ERLEC1: variants seen among roughly 807,000 people sequenced by gnomAD.
The protein encoded by ERLEC1 is endoplasmic reticulum lectin 1, also known as ER lectin.
In ERLEC1, 47 loss-of-function variants were observed where a neutral mutation model predicts 68.0. The ratio of observed to expected loss-of-function variants is 0.69; its 90% CI spans 0.55 to 0.88. ERLEC1 has a LOEUF of 0.88. ERLEC1 is among the 40% of genes least tolerant of loss of function. The pLI is 0.00. For missense variants in ERLEC1, 567 were observed against 583.8 expected (o/e 0.97, Z 0.30); for synonymous variants, 225 against 203.2 (o/e 1.11, Z -0.91).
chr2:53,792,719 T>C (rs1256283526), intron 1 of ERLEC1, among the ~76,000 whole-genome samples: 1 of 152,180 alleles, frequency 6.6e-6, no homozygotes, highest in East Asian at 1.9e-4. Context: ...GGTTTTATTA[T>C]AGTTAAACAG....
intron 3 of ERLEC1, among the ~76,000 whole-genome samples, chr2:53,796,563 T>C (rs1675715268): frequency 6.6e-6 from 1 of 152,104 alleles, no homozygotes; most frequent in Middle Eastern, 3.4e-3. Flanking sequence ...ATGCTCAAGC[T>C]GTTCTCCCAC....
chr2:53,818,540 A>G lies in ERLEC1; in HGVS notation c.*571A>G, dbSNP rs2104351086. 2 of 152,130 alleles carry G rather than the reference A, an allele frequency of 1.3e-5. No individual in the cohort carries two copies. The highest frequency in any genetic ancestry group is 6.8e-3 in the Middle Eastern group (2 of 294). 9.4% of individuals were successfully genotyped at this position (152,130 alleles called of 1,614,324 possible). A position where few individuals can be genotyped will look rare whatever the true frequency, so the allele number is the denominator to read the frequency against. On this transcript the variant is annotated 3_prime_UTR_variant, in exon 14 of 14. Coordinates refer to ENST00000185150, the MANE Select transcript of ERLEC1 (RefSeq NM_015701.5). The stretch of plus-strand genomic sequence containing the variant: ...AGTTGTCCTCACCCTTGTTAATCTC[A>G]AGAAACTCTTATTTATAATAGGTTG...
intron 10 of ERLEC1, among the ~76,000 whole-genome samples, chr2:53,810,585 A>G (rs1304300983): frequency 6.6e-6 from 1 of 152,190 alleles, no homozygotes; most frequent in Non-Finnish European, 1.5e-5. Context: ...TTCGTTATCT[A>G]AAAAAGAAAA....
chr2:53,814,515 A>G, intron 11 of ERLEC1, 28 bp from the exon 12 acceptor site: 1 of 1,562,166 alleles, frequency 6.4e-7, no homozygotes. Context: ...TTTTAGTTTA[A>G]TAAAACTTGT....
In ERLEC1 at chr2:53,807,874, A is replaced by AACAAC. The variant is rs1558602939; in HGVS notation, c.880-424_880-423insCAACA. Among the ~76,000 whole-genome samples, 251 of 149,178 alleles carry AACAAC rather than the reference A, an allele frequency of 1.7e-3. 1 individual carries two copies. The highest frequency in any genetic ancestry group is 6.1e-3 in the African/African-American group (242 of 39,448). ...ACAACAACAACAACAACAACAACAA[A>AACAAC]AAATGCCAGGCGTGGTGGCAGGCTC... On this transcript the variant is annotated intron_variant, in intron 8 of 13. Transcript: ENST00000185150.
chr2:53,789,338 G>A (rs972917724), intron 1 of ERLEC1, among the ~76,000 whole-genome samples: 1 of 145,042 alleles, frequency 6.9e-6, no homozygotes, highest in East Asian at 2.0e-4. Flanking sequence ...AGGTTGCACT[G>A]AGCCAAGATT....
At position 53,808,399 on chromosome 2, in the gene ERLEC1, C is replaced by G; in HGVS notation, c.980C>G (p.Ser327Cys). The G allele has an allele frequency of 1.2e-6, 2 of 1,614,180 alleles. No individual in the cohort carries two copies. The highest frequency in any genetic ancestry group is 1.7e-6 in the Non-Finnish European group (2 of 1,180,034). Residue 327 changes from serine (S) to cysteine (C), a missense_variant, in exon 9 of 14, where the codon TCC (serine) becomes TGC (cysteine). Coordinates refer to ENST00000185150, the MANE Select transcript of ERLEC1 (RefSeq NM_015701.5). ...PVLTVGTTHISKLTDDQLIKE... is the reference protein window; with the variant it reads ...PVLTVGTTHICKLTDDQLIKE... ...CTCACTGTTGGGACAACCCACATAT[C>G]CAAATTGACAGATGACCAACTCATA...
intron 11 of ERLEC1, among the ~76,000 whole-genome samples, chr2:53,813,866 G>A (rs1676722149): frequency 6.6e-6 from 1 of 151,770 alleles, no homozygotes; most frequent in Non-Finnish European, 1.5e-5. Flanking sequence ...GTATACATGT[G>A]CCATGCTGGT....
At chr2:53,807,415 T>C (rs1676351468) in intron 8 of ERLEC1, among the ~76,000 whole-genome samples, 1 of 148,370 alleles carries the variant, frequency 6.7e-6, no homozygotes, top group Admixed American at 6.6e-5. Flanking sequence ...TACTGCCTTT[T>C]TTTTCTTTGA....
chr2:53,813,121 A>G (rs1312226077), intron 11 of ERLEC1, 48 bp downstream of exon 11: 2 of 1,577,088 alleles, frequency 1.3e-6, no homozygotes, highest in South Asian at 1.2e-5. Flanking sequence ...TACAATTTCT[A>G]AAACTCAAAA....
intron 10 of ERLEC1, among the ~76,000 whole-genome samples, chr2:53,811,884 C>T (rs1386308521): frequency 6.6e-6 from 1 of 152,004 alleles, no homozygotes. Context: ...GGGCATTGGC[C>T]CTGCTTGTTT....
At chr2:53,793,350 C>G (rs1039752044) in intron 1 of ERLEC1, among the ~76,000 whole-genome samples, 1 of 152,146 alleles carries the variant, frequency 6.6e-6, no homozygotes, top group Non-Finnish European at 1.5e-5. Flanking sequence ...ATAATTTTGT[C>G]AATATATGCC....
rs746427035 is a variant in ERLEC1, at chr2:53,801,564, T to G, written c.693T>G (p.Thr231=). The part of the protein sequence containing the change: ...HEILSVAEVT[T]CEYEVVILTP... ...TTCTTTCAGTAGCTGAAGTTACAAC[T>G]TGTGAATATGAAGTTGTCATTTTGA... Residue 231 remains threonine (T), a synonymous_variant, in exon 7 of 14, where the codon ACT becomes ACG. Transcript: ENST00000185150. 3 of 1,614,132 alleles carry G rather than the reference T, an allele frequency of 1.9e-6. No homozygotes were observed. The highest frequency in any genetic ancestry group is 4.5e-5 in the East Asian group (2 of 44,874).
intron 5 of ERLEC1, 34 bp from the exon 6 acceptor site, chr2:53,799,013 G>C (rs761609369): frequency 1.9e-6 from 3 of 1,604,464 alleles, no homozygotes; most frequent in African/African-American, 2.7e-5. Context: ...ATATGTCACT[G>C]CTCATTCTTT....
chr2:53,800,186 G>T (rs1319203982), intron 6 of ERLEC1, among the ~76,000 whole-genome samples: 1 of 152,086 alleles, frequency 6.6e-6, no homozygotes, highest in Non-Finnish European at 1.5e-5. Context: ...CGTGGTATGT[G>T]TATTTTTATT....
At chr2:53,798,332 G>A (rs1388429193) in intron 5 of ERLEC1, among the ~76,000 whole-genome samples, 2 of 151,738 alleles carry the variant, frequency 1.3e-5, no homozygotes, top group African/African-American at 4.8e-5. Flanking sequence ...CACAACCACA[G>A]CTCATTGCAG....
At chr2:53,802,665 C>T (rs1046525173) in intron 8 of ERLEC1, among the ~76,000 whole-genome samples, 2 of 152,136 alleles carry the variant, frequency 1.3e-5, no homozygotes, top group African/African-American at 4.8e-5. Flanking sequence ...AATACAAACC[C>T]CTTTGTGGTC....
chr2:53,810,058 C>T (rs890845203), intron 10 of ERLEC1, among the ~76,000 whole-genome samples: 5 of 151,870 alleles, frequency 3.3e-5, no homozygotes, highest in Non-Finnish European at 7.4e-5. Flanking sequence ...CTCAAAAAAG[C>T]GAGACTCCTC....
intron 3 of ERLEC1, among the ~76,000 whole-genome samples, chr2:53,797,054 G>T (rs148556631): frequency 6.6e-6 from 1 of 151,756 alleles, no homozygotes; most frequent in African/African-American, 2.4e-5. Flanking sequence ...ACCACATCCC[G>T]CTAATTTTTT....
Sources: allele counts gnomAD v4.1 joint callset (sites outside exome capture counted in the v4.1 genomes callset), GRCh38; gene constraint gnomAD v4.1.1; transcripts MANE v1.5; gene names NCBI Gene and HGNC (gene_info 2026-07-23, HGNC 2026-07-21).